Variants in EDEM3 observed in about 807,000 individuals in gnomAD.
The protein encoded by EDEM3 is ER degradation enhancing alpha-mannosidase like protein 3, also known as ER degradation-enhancing alpha-mannosidase-like protein 3.
EDEM3 carries 60 observed loss-of-function variants against 110.2 expected under a neutral mutation model. The observed-to-expected ratio is 0.54, with a 90% CI of 0.44 to 0.67. The LOEUF (loss-of-function observed/expected upper bound fraction) is 0.67, where lower values mean the gene tolerates loss of function less well. EDEM3 is among the 30% of genes least tolerant of loss of function. EDEM3 has a pLI of 0.00. For synonymous variants in EDEM3, 352 were observed against 382.9 expected (o/e 0.92, Z 0.94); for missense variants, 996 against 1,121.0 (o/e 0.89, Z 1.59).
chr1:184,710,043 T>C (rs1406017992), intron 16 of EDEM3, among the ~76,000 whole-genome samples: 1 of 152,126 alleles, frequency 6.6e-6, no homozygotes, highest in African/African-American at 2.4e-5. Flanking sequence ...AACATGGAGA[T>C]ATGAATATTA....
intron 8 of EDEM3, among the ~76,000 whole-genome samples, chr1:184,722,373 A>G (rs1650953760): frequency 6.6e-6 from 1 of 152,016 alleles, no homozygotes; most frequent in South Asian, 2.1e-4. Flanking sequence ...TGTACTATTT[A>G]ATTCACAGAT....
chr1:184,725,576 G>GT (rs1430848813), intron 7 of EDEM3, among the ~76,000 whole-genome samples: 2 of 151,664 alleles, frequency 1.3e-5, no homozygotes, highest in African/African-American at 4.8e-5. Flanking sequence ...TTCAGATCTA[G>GT]TATCTGTAAT....
At chr1:184,717,718 T>A in intron 11 of EDEM3, 95 bp from the exon 12 acceptor site, 5 of 794,074 alleles carry the variant, frequency 6.3e-6, no homozygotes, top group Non-Finnish European at 9.1e-6. Context: ...GTAAAAGCAA[T>A]TAAAATAGCA....
At chr1:184,735,622 A>T (rs574661877) in intron 4 of EDEM3, among the ~76,000 whole-genome samples, 1 of 152,328 alleles carries the variant, frequency 6.6e-6, no homozygotes, top group South Asian at 2.1e-4. Context: ...AACATTCCAT[A>T]AGAGTATCTC....
At chr1:184,745,419 C>T (rs553214294) in intron 2 of EDEM3, among the ~76,000 whole-genome samples, 79 of 152,030 alleles carry the variant, frequency 5.2e-4, no homozygotes, top group African/African-American at 1.8e-3. Flanking sequence ...GATGAATGAA[C>T]CATTAAAGAG....
At chr1:184,749,194 T>C (rs1413928310) in intron 2 of EDEM3, among the ~76,000 whole-genome samples, 2 of 152,172 alleles carry the variant, frequency 1.3e-5, no homozygotes, top group Non-Finnish European at 2.9e-5. Context: ...TGTATAAATA[T>C]TGTAAACATT....
chr1:184,697,644 A>G lies in EDEM3; in HGVS notation c.2390-3172T>C, dbSNP rs78631885. Among the ~76,000 whole-genome samples, 1,245 of 151,906 alleles carry G rather than the reference A, an allele frequency of 8.2e-3. 8 individuals carry two copies. Among genetic ancestry groups the G allele is most frequent in the Non-Finnish European group, 0.013 (883 of 67,802 alleles). On this transcript the variant is annotated intron_variant, in intron 19 of 19. Transcript: ENST00000318130. ...CTTCATAAATGGTATTTAGTAACTG[A>G]CAACTCAATTGGAAAGACTCCTAAC...
chr1:184,741,821 A>G (rs192402872), intron 2 of EDEM3, among the ~76,000 whole-genome samples: 71 of 152,324 alleles, frequency 4.7e-4, no homozygotes, highest in African/African-American at 1.6e-3. Context: ...ATTGGAAGAA[A>G]AATTTGAATG....
intron 10 of EDEM3, 79 bp downstream of exon 10, chr1:184,719,364 T>C: frequency 6.4e-7 from 1 of 1,555,022 alleles, no homozygotes; most frequent in East Asian, 2.3e-5. Flanking sequence ...TGTTTTGTAG[T>C]TCAGTTTTAA....
rs769480708 is a variant in EDEM3 at position 184,749,593 on chromosome 1, CTAATTT to C, written c.159-7_159-2del. 6 of 1,499,052 alleles carry C rather than the reference CTAATTT, an allele frequency of 4.0e-6. No individual in the cohort carries two copies. The highest frequency in any genetic ancestry group is 2.0e-4 in the Middle Eastern group (1 of 4,998). 92.9% of individuals were successfully genotyped at this position (1,499,052 alleles called of 1,614,324 possible). On this transcript the variant is annotated splice_acceptor_variant and splice_polypyrimidine_tract_variant and intron_variant, in intron 1 of 19. Coordinates refer to ENST00000318130, the MANE Select transcript of EDEM3 (RefSeq NM_025191.4). LOFTEE classifies it high-confidence loss of function. ...ATCAAACATTTCCAGTACTTGATTCCTAATTTTAAAAGAGCAGAAATGGAAAAAAAA... is the reference window on the plus strand; with the variant it reads ...ATCAAACATTTCCAGTACTTGATTCCTAAAAGAGCAGAAATGGAAAAAAAA...
intron 2 of EDEM3, among the ~76,000 whole-genome samples, chr1:184,742,615 C>T (rs1481141701): frequency 1.3e-5 from 2 of 152,170 alleles, no homozygotes; most frequent in African/African-American, 4.8e-5. Flanking sequence ...TTTTGAACTC[C>T]TGACCTCAGG....
intron 7 of EDEM3, among the ~76,000 whole-genome samples, chr1:184,724,983 CTG>C (rs1651110694): frequency 6.6e-6 from 1 of 152,162 alleles, no homozygotes; most frequent in Admixed American, 6.5e-5. Flanking sequence ...TTACTCAACT[CTG>C]TCACTGTAGC....
intron 13 of EDEM3, among the ~76,000 whole-genome samples, chr1:184,714,546 G>T (rs948602188): frequency 9.9e-5 from 15 of 152,064 alleles, no homozygotes; most frequent in Non-Finnish European, 8.8e-5. Context: ...GATCTATAGG[G>T]TAATAAACCA....
intron 14 of EDEM3, 139 bp downstream of exon 14, chr1:184,712,294 A>C: frequency 1.2e-6 from 1 of 801,042 alleles, no homozygotes; most frequent in Non-Finnish European, 1.9e-6. Context: ...GCAATAAAAG[A>C]AAAAAAATAG....
chr1:184,751,953 A>G (rs1023012649), intron 1 of EDEM3, among the ~76,000 whole-genome samples: 3 of 152,130 alleles, frequency 2.0e-5, no homozygotes, highest in Non-Finnish European at 2.9e-5. Flanking sequence ...GGGTTTCTCC[A>G]TGTTGGTCAG....
chr1:184,718,194 T>C lies in EDEM3; in HGVS notation c.1162-571A>G, dbSNP rs1351739957. On this transcript the variant is annotated intron_variant, in intron 11 of 19. Coordinates refer to ENST00000318130, the MANE Select transcript of EDEM3 (RefSeq NM_025191.4). ...CATACATATTTCATATTTTAGCTTA[T>C]ATTTTCTAAAAGCCTCAAATCCTTT... Among the ~76,000 whole-genome samples the C allele has an allele frequency of 5.9e-5, 9 of 152,194 alleles. No homozygotes were observed. In the East Asian group the frequency reaches 1.7e-3, roughly 29 times the overall value.
chr1:184,728,543 T>A (rs570519033), intron 6 of EDEM3, among the ~76,000 whole-genome samples: 1 of 152,294 alleles, frequency 6.6e-6, no homozygotes, highest in Admixed American at 6.5e-5. Context: ...AACACAATTA[T>A]CTATAGTATC....
At chr1:184,695,825 C>T (rs1203810979) in intron 19 of EDEM3, among the ~76,000 whole-genome samples, 1 of 151,788 alleles carries the variant, frequency 6.6e-6, no homozygotes, top group Non-Finnish European at 1.5e-5. Flanking sequence ...ATTTAAAAAC[C>T]AGAAAAAACA....
chr1:184,708,812 G>A (rs1650071224), intron 16 of EDEM3, among the ~76,000 whole-genome samples: 2 of 152,210 alleles, frequency 1.3e-5, no homozygotes, highest in African/African-American at 4.8e-5. Flanking sequence ...TAAGAAATTT[G>A]TGTCTGGAGG....
Sources: allele counts gnomAD v4.1 joint callset (sites outside exome capture counted in the v4.1 genomes callset), GRCh38; gene constraint gnomAD v4.1.1; transcripts MANE v1.5; gene names NCBI Gene and HGNC (gene_info 2026-07-23, HGNC 2026-07-21).